IFT88: variants seen among roughly 807,000 people sequenced by gnomAD.
IFT88 encodes the protein intraflagellar transport protein 88 homolog.
In IFT88, 74 loss-of-function variants were observed where a neutral mutation model predicts 119.5. That is an observed-to-expected ratio of 0.62 (90% CI 0.51 to 0.75). The LOEUF (loss-of-function observed/expected upper bound fraction) is 0.75. Among genes scored for constraint, IFT88 ranks in the 30% least tolerant of loss-of-function variants. IFT88 has a pLI of 0.00. For missense variants in IFT88, 961 were observed against 977.7 expected, an observed-to-expected ratio of 0.98 and a Z score of 0.23; for synonymous variants, 279 against 316.7, an observed-to-expected ratio of 0.88 and a Z score of 1.26.
At chr13:20,621,973 A>T (rs2046592352) in intron 14 of IFT88, among the ~76,000 whole-genome samples, 1 of 152,124 alleles carries the variant, frequency 6.6e-6, no homozygotes, top group Non-Finnish European at 1.5e-5. Flanking sequence ...AGAATATCAC[A>T]GGGTTGGAAT....
chr13:20,584,010 C>G (rs1430076479), intron 3 of IFT88, among the ~76,000 whole-genome samples: 1 of 152,078 alleles, frequency 6.6e-6, no homozygotes, highest in African/African-American at 2.4e-5. Context: ...TGCCAGTAAC[C>G]ACACTGTTTT....
chr13:20,625,273 C>T (rs557261210), intron 14 of IFT88, among the ~76,000 whole-genome samples: 4 of 152,172 alleles, frequency 2.6e-5, no homozygotes, highest in Non-Finnish European at 4.4e-5. Context: ...GAGGGTTAAA[C>T]GTATTAATGC....
At chr13:20,655,642 T>C (rs1230960627) in intron 21 of IFT88, among the ~76,000 whole-genome samples, 1 of 151,924 alleles carries the variant, frequency 6.6e-6, no homozygotes, top group Non-Finnish European at 1.5e-5. Flanking sequence ...TATAGGTGTG[T>C]GCCACCATGG....
intron 1 of IFT88, among the ~76,000 whole-genome samples, chr13:20,572,102 G>A (rs914219642): frequency 6.6e-6 from 1 of 151,882 alleles, no homozygotes; most frequent in East Asian, 1.9e-4. Flanking sequence ...CATGCAGCAA[G>A]GTTTAAAGAA....
At chr13:20,571,997 T>A (rs2036451633) in intron 1 of IFT88, among the ~76,000 whole-genome samples, 1 of 152,010 alleles carries the variant, frequency 6.6e-6, no homozygotes, top group South Asian at 2.1e-4. Context: ...CAAATTTGTA[T>A]GATCAGCTTT....
rs772460683 is a variant in IFT88 at position 20,592,351 on chromosome 13, C to T, written c.345C>T (p.Pro115=). Residue 115 remains proline, a synonymous_variant, in exon 7 of 26, where the codon CCC becomes CCT. Transcript: ENST00000351808. Reference sequence around the variant, plus strand: ...GTGTCTCAGGCTCTGCATTTGACCCCCTTAGTCAGTCAAGGGGCCCTGCTT... The same window carrying T: ...GTGTCTCAGGCTCTGCATTTGACCCTCTTAGTCAGTCAAGGGGCCCTGCTT... ...KAALRGSAFD[P]LSQSRGPASP... is the part of the protein sequence containing the mutation. 6.2e-7 allele frequency: 1 copy of T among 1,611,168 alleles called. No homozygotes were observed. The highest frequency in any genetic ancestry group is 1.1e-5 in the South Asian group (1 of 90,394).
intron 9 of IFT88, among the ~76,000 whole-genome samples, chr13:20,597,520 A>G (rs550683148): frequency 3.5e-4 from 54 of 152,128 alleles, no homozygotes; most frequent in Admixed American, 7.9e-4. Flanking sequence ...CGAGGCGGGC[A>G]GATCACAAGG....
At chr13:20,630,355 C>G (rs2048013621) in intron 15 of IFT88, among the ~76,000 whole-genome samples, 1 of 152,110 alleles carries the variant, frequency 6.6e-6, no homozygotes, top group African/African-American at 2.4e-5. Flanking sequence ...TTAGTATTTT[C>G]TATAATCTTT....
At chr13:20,602,025 G>A (rs1594064367) in intron 12 of IFT88, 92 bp downstream of exon 12, 5 of 713,892 alleles carry the variant, frequency 7.0e-6, no homozygotes, top group Non-Finnish European at 1.2e-5. Flanking sequence ...ATGACTTCTT[G>A]GGTTTTTCCC....
chr13:20,644,907 C>A lies in IFT88; in HGVS notation c.1898C>A (p.Thr633Asn). 1.2e-6 allele frequency: 2 copies of A among 1,606,194 alleles called. No individual in the cohort carries two copies. The highest frequency in any genetic ancestry group is 1.7e-6 in the Non-Finnish European group (2 of 1,174,570). ...TGGCTTGGAGCCTATTACATTGACA[C>A]CCAATTTTGGGAAAAAGCTATTCAG... ...IEWLGAYYIDTQFWEKAIQYF... is the reference protein window; with the variant it reads ...IEWLGAYYIDNQFWEKAIQYF... The change falls in exon 20 of 26, where the codon ACC (threonine) becomes AAC (asparagine). Residue 633 changes from threonine (T) to asparagine (N), a missense_variant. Physicochemically the swap from Thr to Asn is moderately conservative, Grantham distance 65 (BLOSUM62 0). Coordinates refer to ENST00000351808, the MANE Select transcript of IFT88 (RefSeq NM_006531.5).
intron 24 of IFT88, among the ~76,000 whole-genome samples, chr13:20,674,364 T>G (rs1167187591): frequency 6.6e-6 from 1 of 152,240 alleles, no homozygotes; most frequent in Non-Finnish European, 1.5e-5. Context: ...GCTTCTCATG[T>G]GTAGCTGTCC....
At chr13:20,569,655 G>A (rs1050203115) in intron 1 of IFT88, among the ~76,000 whole-genome samples, 9 of 151,990 alleles carry the variant, frequency 5.9e-5, no homozygotes, top group Non-Finnish European at 1.2e-4. Context: ...ATGGGAGAAA[G>A]TATTTGTAAA....
At chr13:20,683,818 T>C (rs2057592145) in intron 24 of IFT88, among the ~76,000 whole-genome samples, 1 of 152,226 alleles carries the variant, frequency 6.6e-6, no homozygotes, top group African/African-American at 2.4e-5. Flanking sequence ...CATTCCCACA[T>C]ACAGCACAGT....
intron 21 of IFT88, among the ~76,000 whole-genome samples, chr13:20,654,457 GCTAA>G (rs1380340178): frequency 1.3e-5 from 2 of 152,158 alleles, no homozygotes; most frequent in African/African-American, 4.8e-5. Flanking sequence ...TTAGTTTTAG[GCTAA>G]CTGTGAAGTG....
chr13:20,582,649 G>A (rs1262361645), intron 2 of IFT88, among the ~76,000 whole-genome samples: 1 of 152,086 alleles, frequency 6.6e-6, no homozygotes, highest in Admixed American at 6.5e-5. Flanking sequence ...AAAAGAAACA[G>A]AAGAAAGGCC....
At chr13:20,634,192 GTTA>G (rs1344003640) in intron 16 of IFT88, among the ~76,000 whole-genome samples, 2 of 152,142 alleles carry the variant, frequency 1.3e-5, no homozygotes, top group Admixed American at 1.3e-4. Context: ...CATTGAGTTT[GTTA>G]TTATTTTGTT....
intron 13 of IFT88, among the ~76,000 whole-genome samples, chr13:20,608,749 T>G (rs548151262): frequency 6.6e-6 from 1 of 152,338 alleles, no homozygotes; most frequent in Admixed American, 6.5e-5. Context: ...CCTTAATAGT[T>G]TGAAGTTCCT....
At chr13:20,678,226 A>C (rs1330540967) in intron 24 of IFT88, among the ~76,000 whole-genome samples, 1 of 152,216 alleles carries the variant, frequency 6.6e-6, no homozygotes, top group African/African-American at 2.4e-5. Flanking sequence ...AGCCTCACCA[A>C]TAACTAAAAC....
intron 2 of IFT88, among the ~76,000 whole-genome samples, chr13:20,579,891 C>A (rs1052659985): frequency 2.0e-5 from 3 of 152,164 alleles, no homozygotes; most frequent in African/African-American, 7.2e-5. Flanking sequence ...TGGCTGGGTT[C>A]TTTCCTTCAA....
Sources: allele counts gnomAD v4.1 joint callset (sites outside exome capture counted in the v4.1 genomes callset), GRCh38; gene constraint gnomAD v4.1.1; transcripts MANE v1.5; gene names NCBI Gene and HGNC (gene_info 2026-07-23, HGNC 2026-07-21).